The following ASH1L variants were observed in gnomAD, a reference collection of about 807,000 sequenced individuals.
ASH1L encodes the protein ASH1 like histone lysine methyltransferase, also known as histone-lysine N-methyltransferase ASH1L.
A neutral mutation model predicts 269.0 loss-of-function variants in ASH1L; 23 were observed. That is an observed-to-expected ratio of 0.09 (90% CI 0.06 to 0.12). The LOEUF (loss-of-function observed/expected upper bound fraction) is 0.12, where lower values mean the gene tolerates loss of function less well. ASH1L is among the 10% of genes least tolerant of loss of function. The pLI is 1.00. For missense variants in ASH1L, 2,912 were observed against 3,567.8 expected (o/e 0.82, Z 4.68); for synonymous variants, 1,187 against 1,253.5 (o/e 0.95, Z 1.12).
chr1:155,487,381 T>C (rs913670116), intron 2 of ASH1L, among the ~76,000 whole-genome samples: 8 of 151,920 alleles, frequency 5.3e-5, no homozygotes, highest in African/African-American at 1.9e-4. Flanking sequence ...GTCATACTAC[T>C]TTTTTATTTT....
rs187710248 is a variant in ASH1L, at chr1:155,451,376, T to A, written c.5086+8421A>T. 8.5e-5 allele frequency among the ~76,000 whole-genome samples: 13 copies of A among 152,182 alleles called. No homozygotes were observed. In the East Asian group the frequency reaches 2.5e-3, roughly 29 times the overall value. On this transcript the variant is annotated intron_variant, in intron 4 of 27. Coordinates refer to ENST00000392403, the MANE Select transcript of ASH1L (RefSeq NM_018489.3). Reference sequence around the variant, plus strand: ...AGTTCTTATTTAATGGATACAGAGTTTCAGTTTTGCAAGATGAAAAAAGTT... The same window carrying A: ...AGTTCTTATTTAATGGATACAGAGTATCAGTTTTGCAAGATGAAAAAAGTT...
chr1:155,562,240 C>G lies in ASH1L; in HGVS notation c.-187G>C. 2 of 1,610,112 alleles carry G rather than the reference C, an allele frequency of 1.2e-6. No homozygotes were observed. The highest frequency in any genetic ancestry group is 1.7e-6 in the Non-Finnish European group (2 of 1,176,804). On this transcript the variant is annotated 5_prime_UTR_variant, in exon 1 of 28. Transcript: ENST00000392403. ...GTGGCCGCCAGGCTCCTCCGCTTCC[C>G]TGGGTCCACGGCGGATCCCTCCCGC...
rs16865367 is a variant in ASH1L at position 155,434,057 on chromosome 1, G to A, written c.5828+4270C>T. 1,988 of 1,592,226 alleles carry A rather than the reference G, an allele frequency of 1.2e-3. 25 individuals carry two copies. The African/African-American group carries it at 0.022, about 18-fold the overall frequency. ...AGGCAAGCAATCAAGCAGCGACTAT[G>A]CATAACGAGAGGATTTTGAGGCTGC... is the stretch of plus-strand genomic sequence containing the variant. On this transcript the variant is annotated intron_variant, in intron 5 of 27. Coordinates refer to ENST00000392403, the MANE Select transcript of ASH1L (RefSeq NM_018489.3).
intron 1 of ASH1L, among the ~76,000 whole-genome samples, chr1:155,528,755 T>C (rs928318947): frequency 6.6e-6 from 1 of 152,154 alleles, no homozygotes; most frequent in African/African-American, 2.4e-5. Flanking sequence ...TGCAGGTTTG[T>C]TACGTGGGTA....
In ASH1L at chr1:155,544,082, C is replaced by A. The variant is rs532813624; in HGVS notation, c.-100+18071G>T. 1.4e-4 allele frequency among the ~76,000 whole-genome samples: 21 copies of A among 152,018 alleles called. No homozygotes were observed. The South Asian group carries it at 4.4e-3, about 32-fold the overall frequency. ...CTTACTGTACCCTCAAGCTACTGGGCTCAAGCAAGGGGTGTCTCACTATGT... is the reference window on the plus strand; with the variant it reads ...CTTACTGTACCCTCAAGCTACTGGGATCAAGCAAGGGGTGTCTCACTATGT... On this transcript the variant is annotated intron_variant, in intron 1 of 27. Coordinates refer to ENST00000392403, the MANE Select transcript of ASH1L (RefSeq NM_018489.3).
intron 5 of ASH1L, among the ~76,000 whole-genome samples, chr1:155,436,001 A>T (rs1662054783): frequency 6.6e-6 from 1 of 152,190 alleles, no homozygotes; most frequent in Non-Finnish European, 1.5e-5. Flanking sequence ...CAGTGAGTGG[A>T]GATCGTGCCA....
At chr1:155,374,457 A>C (rs918479862) in intron 10 of ASH1L, among the ~76,000 whole-genome samples, 7 of 152,256 alleles carry the variant, frequency 4.6e-5, no homozygotes, top group African/African-American at 1.7e-4. Context: ...CACGGCACAC[A>C]GTGTCAAATC....
intron 25 of ASH1L, among the ~76,000 whole-genome samples, chr1:155,339,676 TTTGA>T (rs1330785193): frequency 2.0e-5 from 3 of 152,176 alleles, no homozygotes; most frequent in Non-Finnish European, 4.4e-5. Flanking sequence ...CATCACGTGA[TTTGA>T]TTGTTATGTA....
At chr1:155,427,505 T>C (rs1445283164) in intron 5 of ASH1L, among the ~76,000 whole-genome samples, 2 of 152,068 alleles carry the variant, frequency 1.3e-5, no homozygotes, top group Non-Finnish European at 2.9e-5. Context: ...GGTTTCGCCG[T>C]GTTGGCCAGG....
intron 20 of ASH1L, 61 bp from the exon 21 acceptor site, chr1:155,346,530 G>A (rs1341379712): frequency 6.9e-7 from 1 of 1,449,748 alleles, no homozygotes; most frequent in African/African-American, 1.4e-5. Flanking sequence ...AGTGTCCTGG[G>A]AGCCCAGAAT....
Position 155,344,174 on chromosome 1 carries a change from T to C in ASH1L, c.7981+9A>G, listed in dbSNP as rs1653038746. ...CTCTGACAAGTAGGATTAGCTCCTGTATACATACCCTGACGAAGCAGCAAG... is the reference window on the plus strand; with the variant it reads ...CTCTGACAAGTAGGATTAGCTCCTGCATACATACCCTGACGAAGCAGCAAG... On this transcript the variant is annotated intron_variant, in intron 22 of 27. Coordinates refer to ENST00000392403, the MANE Select transcript of ASH1L (RefSeq NM_018489.3). 6.2e-7 allele frequency: 1 copy of C among 1,613,074 alleles called. No individual in the cohort carries two copies. The highest frequency in any genetic ancestry group is 1.3e-5 in the African/African-American group (1 of 74,862).
chr1:155,439,956 ACTT>A lies in ASH1L; in HGVS notation c.5087-891_5087-889del, dbSNP rs1257262825. ...CAATAGCCTTGTCTAAATTTTTAAG[ACTT>A]TTTTTTTTATTTTATCATCAACTCT... On this transcript the variant is annotated intron_variant, in intron 4 of 27. Coordinates refer to ENST00000392403, the MANE Select transcript of ASH1L (RefSeq NM_018489.3). 6.0e-5 allele frequency among the ~76,000 whole-genome samples: 9 copies of A among 151,110 alleles called. No homozygotes were observed. The East Asian group carries it at 1.7e-3, about 29-fold the overall frequency.
chr1:155,556,602 C>T (rs548201735), intron 1 of ASH1L, among the ~76,000 whole-genome samples: 2 of 151,982 alleles, frequency 1.3e-5, no homozygotes, highest in South Asian at 2.1e-4. Flanking sequence ...ATGCCACCTG[C>T]GCCTAATTTT....
At chr1:155,507,589 T>G (rs1380198103) in intron 2 of ASH1L, among the ~76,000 whole-genome samples, 1 of 151,524 alleles carries the variant, frequency 6.6e-6, no homozygotes, top group Non-Finnish European at 1.5e-5. Context: ...TATAATGATA[T>G]GACCAAATGC....
At chr1:155,380,626 G>T (rs1017809834) in intron 7 of ASH1L, among the ~76,000 whole-genome samples, 2 of 151,406 alleles carry the variant, frequency 1.3e-5, no homozygotes, top group African/African-American at 4.9e-5. Flanking sequence ...GCCTTAAAAA[G>T]AATGAAATTC....
chr1:155,370,663 T>C lies in ASH1L; in HGVS notation c.6540-13A>G, dbSNP rs1304491106. On this transcript the variant is annotated splice_polypyrimidine_tract_variant and intron_variant, in intron 11 of 27. Transcript: ENST00000392403. ...AATCATCCTGTTCCTAAAGAGAAGA[T>C]AAATGATTGAAAGACAATTAAAGAG... 1.2e-6 allele frequency: 2 copies of C among 1,613,716 alleles called. No homozygotes were observed. Among genetic ancestry groups the C allele is most frequent in the African/African-American group, 1.3e-5 (1 of 74,940 alleles).
At chr1:155,436,492 T>TA (rs1491103361) in intron 5 of ASH1L, among the ~76,000 whole-genome samples, 1 of 64,944 alleles carries the variant, frequency 1.5e-5, no homozygotes, top group Non-Finnish European at 3.3e-5. Context: ...ATGCGTGGAC[T>TA]TTTTTTTTTT....
At chr1:155,415,527 T>C (rs1252388398) in intron 6 of ASH1L, among the ~76,000 whole-genome samples, 1 of 152,180 alleles carries the variant, frequency 6.6e-6, no homozygotes, top group African/African-American at 2.4e-5. Flanking sequence ...CTGGTATTTG[T>C]GCATATTACT....
At chr1:155,411,376 C>T (rs1370035424) in intron 6 of ASH1L, among the ~76,000 whole-genome samples, 1 of 151,298 alleles carries the variant, frequency 6.6e-6, no homozygotes, top group African/African-American at 2.4e-5. Flanking sequence ...AGTGATATTT[C>T]AGTCCATTTT....
Sources: gnomAD v4.1 joint callset for allele counts (sites outside exome capture counted in the v4.1 genomes callset) on GRCh38, gnomAD v4.1.1 for gene constraint, MANE v1.5 for transcripts, NCBI Gene and HGNC (gene_info 2026-07-23, HGNC 2026-07-21) for gene names.